Variants in TNFAIP8L1 observed in about 807,000 individuals in gnomAD.
The protein encoded by TNFAIP8L1 is tumor necrosis factor alpha-induced protein 8-like protein 1.
For missense variants in TNFAIP8L1, 225 were observed against 266.1 expected (o/e 0.85, Z 1.08); for synonymous variants, 127 against 125.6 (o/e 1.01, Z -0.08).
Position 4,655,348 on chromosome 19 carries a change from T to G in TNFAIP8L1, c.*2918T>G, listed in dbSNP as rs1204644297. Reference sequence around the variant, plus strand: ...TCCAAGGCAACCTTCTCCACTTATCTTAGGCCGAGAGACAGCTCTTCAAGA... The same window carrying G: ...TCCAAGGCAACCTTCTCCACTTATCGTAGGCCGAGAGACAGCTCTTCAAGA... On this transcript the variant is annotated 3_prime_UTR_variant, in exon 2 of 2. Coordinates refer to ENST00000327473, the MANE Select transcript of TNFAIP8L1 (RefSeq NM_152362.3). 2.0e-5 allele frequency: 3 copies of G among 152,264 alleles called. No individual in the cohort carries two copies. Among genetic ancestry groups the G allele is most frequent in the East Asian group, 3.8e-4 (2 of 5,200 alleles). The allele number at this position is 152,264 out of a possible 1,614,324, so 9.4% of individuals were successfully genotyped here.
chr19:4,642,991 G>A (rs1054894707), intron 1 of TNFAIP8L1, among the ~76,000 whole-genome samples: 5 of 151,888 alleles, frequency 3.3e-5, no homozygotes, highest in African/African-American at 1.2e-4. Context: ...ATAAGAAGTG[G>A]GTTGCGTTAG....
chr19:4,648,484 G>C (rs2088332077), intron 1 of TNFAIP8L1, among the ~76,000 whole-genome samples: 1 of 152,240 alleles, frequency 6.6e-6, no homozygotes. Flanking sequence ...CCAGGCAGCT[G>C]GGCCGCCCCA....
chr19:4,651,813 G>A (rs1357009678), intron 1 of TNFAIP8L1, 54 bp from the exon 2 acceptor site: 10 of 1,526,566 alleles, frequency 6.6e-6, no homozygotes, highest in Non-Finnish European at 7.9e-6. Context: ...CACCTCTTCT[G>A]TGTGAGGAGT....
At chr19:4,643,395 C>G (rs1254010834) in intron 1 of TNFAIP8L1, among the ~76,000 whole-genome samples, 2 of 152,146 alleles carry the variant, frequency 1.3e-5, no homozygotes, top group Non-Finnish European at 2.9e-5. Flanking sequence ...CTGAGGCAAG[C>G]CTGTCCCCTC....
At position 4,643,185 on chromosome 19, in the gene TNFAIP8L1, A is replaced by G. The variant is rs1007565068; in HGVS notation, c.-4+3556A>G. ...TACCAGCTACTCAGGAAGCTGAGGC[A>G]GGAGAATCACCTGAACCCAGGAGGC... On this transcript the variant is annotated intron_variant, in intron 1 of 1. Transcript: ENST00000327473. 5.3e-5 allele frequency among the ~76,000 whole-genome samples: 8 copies of G among 151,844 alleles called. 1 individual carries two copies. Among genetic ancestry groups the G allele is most frequent in the Admixed American group, 4.6e-4 (7 of 15,218 alleles).
rs927539061 is a variant in TNFAIP8L1, at chr19:4,642,104, G to A, written c.-4+2475G>A. On this transcript the variant is annotated intron_variant, in intron 1 of 1. Coordinates refer to ENST00000327473, the MANE Select transcript of TNFAIP8L1 (RefSeq NM_152362.3). Reference sequence around the variant, plus strand: ...GAGGTGGGAGGATCACCTGAGCCCAGGGAGGTTGAGGCTGCAGTGAGCCGA... The same window carrying A: ...GAGGTGGGAGGATCACCTGAGCCCAAGGAGGTTGAGGCTGCAGTGAGCCGA... 2.0e-5 allele frequency: 3 copies of A among 152,390 alleles called. No individual in the cohort carries two copies. In the East Asian group the frequency reaches 5.8e-4, roughly 29 times the overall value. The allele number at this position is 152,390 out of a possible 1,614,324, so 9.4% of individuals were successfully genotyped here.
chr19:4,647,351 A>G (rs2088321354), intron 1 of TNFAIP8L1, among the ~76,000 whole-genome samples: 2 of 151,796 alleles, frequency 1.3e-5, no homozygotes, highest in South Asian at 2.1e-4. Context: ...GTCTCGCTCT[A>G]TCACCCAGGC....
At chr19:4,643,683 A>G (rs1359740603) in intron 1 of TNFAIP8L1, among the ~76,000 whole-genome samples, 1 of 152,204 alleles carries the variant, frequency 6.6e-6, no homozygotes, top group Non-Finnish European at 1.5e-5. Context: ...CATGCCTGTA[A>G]TCCTAGCATT....
In TNFAIP8L1 at chr19:4,641,668, G is replaced by A. The variant is rs1445762804; in HGVS notation, c.-4+2039G>A. On this transcript the variant is annotated intron_variant, in intron 1 of 1. Transcript: ENST00000327473. This position sits in a 1 kb window ranked among gnomAD's most constrained non-coding sequence, Gnocchi z 4.6. ...TGAGATAACTGTGGGGAGGGAGGGTGCTTTGAGGGGTGGGGGAGATTCAAC... is the reference window on the plus strand; with the variant it reads ...TGAGATAACTGTGGGGAGGGAGGGTACTTTGAGGGGTGGGGGAGATTCAAC... 1 of 152,126 alleles carries A rather than the reference G, an allele frequency of 6.6e-6. No homozygotes were observed. 9.4% of individuals were successfully genotyped at this position (152,126 alleles called of 1,614,324 possible). A position where few individuals can be genotyped will look rare whatever the true frequency, so the allele number is the denominator to read the frequency against.
intron 1 of TNFAIP8L1, among the ~76,000 whole-genome samples, chr19:4,646,755 C>T (rs542564303): frequency 2.6e-4 from 39 of 152,132 alleles, no homozygotes; most frequent in African/African-American, 8.4e-4. Context: ...CTCAGCCTCC[C>T]GAGTAGCCAG....
chr19:4,651,530 G>A (rs2088364405), intron 1 of TNFAIP8L1, among the ~76,000 whole-genome samples: 1 of 151,522 alleles, frequency 6.6e-6, no homozygotes, highest in African/African-American at 2.4e-5. Context: ...TCCGCCTCCC[G>A]GGCTCAAGGG....
At position 4,652,182 on chromosome 19, in the gene TNFAIP8L1, C is replaced by T; in HGVS notation, c.313C>T (p.His105Tyr). 1 of 1,549,060 alleles carries T rather than the reference C, an allele frequency of 6.5e-7. No individual in the cohort carries two copies. The highest frequency in any genetic ancestry group is 8.7e-7 in the Non-Finnish European group (1 of 1,148,456). Residue 105 changes from histidine (H) to tyrosine (Y), a missense_variant, in exon 2 of 2, where the codon CAC becomes TAC. Transcript: ENST00000327473. ...CCTGGCCATGACGGCCGTCAGCTTC[C>T]ACCAGGTGGACTTCACCTTCGACCG... is the stretch of plus-strand genomic sequence containing the variant. Reference protein sequence around the residue: ...RCLAMTAVSFHQVDFTFDRRV... With the variant: ...RCLAMTAVSFYQVDFTFDRRV...
rs748629489 is a variant in TNFAIP8L1 at position 4,651,921 on chromosome 19, CTGAG to C, written c.54_57del (p.Ser19ArgfsTer49). The C allele has an allele frequency of 5.0e-6, 8 of 1,613,316 alleles. No homozygotes were observed. Among genetic ancestry groups the C allele is most frequent in the South Asian group, 2.2e-5 (2 of 91,076 alleles). ...GGCTCTGCAGGCGCAGAAGAAGCTCCTGAGTAAGATGGCGTCCAAGGCAGTGGTG... is the reference window on the plus strand; with the variant it reads ...GGCTCTGCAGGCGCAGAAGAAGCTCCTAAGATGGCGTCCAAGGCAGTGGTG... On this transcript the variant is annotated frameshift_variant, in exon 2 of 2. Transcript: ENST00000327473. LOFTEE classifies it low-confidence loss of function (END_TRUNC).
At chr19:4,646,873 G>T (rs901486352) in intron 1 of TNFAIP8L1, among the ~76,000 whole-genome samples, 3 of 152,128 alleles carry the variant, frequency 2.0e-5, no homozygotes, top group Non-Finnish European at 4.4e-5. Context: ...CTTGTGATCC[G>T]CCCGCCTCGG....
At chr19:4,642,649 T>G (rs1393833867) in intron 1 of TNFAIP8L1, among the ~76,000 whole-genome samples, 1 of 149,354 alleles carries the variant, frequency 6.7e-6, no homozygotes, top group Non-Finnish European at 1.5e-5. Context: ...GGGCACAGGT[T>G]GTGTAAAGGC....
At chr19:4,644,278 G>A (rs939353614) in intron 1 of TNFAIP8L1, among the ~76,000 whole-genome samples, 3 of 151,568 alleles carry the variant, frequency 2.0e-5, no homozygotes, top group Non-Finnish European at 4.4e-5. Context: ...GGCAGCTCAC[G>A]CCTGCAATCC....
At position 4,641,040 on chromosome 19, in the gene TNFAIP8L1, G is replaced by GC. The variant is rs2088256388; in HGVS notation, c.-4+1411_-4+1412insC. The GC allele has an allele frequency of 6.6e-6, 1 of 152,184 alleles. No individual in the cohort carries two copies. The highest frequency in any genetic ancestry group is 1.5e-5 in the Non-Finnish European group (1 of 68,134). 9.4% of individuals were successfully genotyped at this position (152,184 alleles called of 1,614,324 possible). A position where few individuals can be genotyped will look rare whatever the true frequency, so the allele number is the denominator to read the frequency against. On this transcript the variant is annotated intron_variant, in intron 1 of 1. Coordinates refer to ENST00000327473, the MANE Select transcript of TNFAIP8L1 (RefSeq NM_152362.3). The surrounding 1 kb of genome is among the most constrained non-coding windows in gnomAD (Gnocchi z 4.6). ...CCCTGCAGGGAATATGGGGCCGGGG[G>GC]GGGGACTTGAACCCTGCTCCAATGG... is the stretch of plus-strand genomic sequence containing the variant.
rs1288344304 is a variant in TNFAIP8L1 at position 4,652,438 on chromosome 19, C to T, written c.*8C>T. The T allele has an allele frequency of 1.3e-6, 2 of 1,507,964 alleles. No individual in the cohort carries two copies. Among genetic ancestry groups the T allele is most frequent in the African/African-American group, 1.4e-5 (1 of 71,622 alleles). 93.4% of individuals were successfully genotyped at this position (1,507,964 alleles called of 1,614,324 possible). Reference sequence around the variant, plus strand: ...GACGAGGGCAGCCTCTGAACCCCGGCGCCGCCCAACCGCGCCCCTCGCGCC... The same window carrying T: ...GACGAGGGCAGCCTCTGAACCCCGGTGCCGCCCAACCGCGCCCCTCGCGCC... On this transcript the variant is annotated 3_prime_UTR_variant, in exon 2 of 2. Coordinates refer to ENST00000327473, the MANE Select transcript of TNFAIP8L1 (RefSeq NM_152362.3).
intron 1 of TNFAIP8L1, among the ~76,000 whole-genome samples, chr19:4,646,852 G>A (rs910347954): frequency 8.5e-5 from 13 of 152,244 alleles, no homozygotes; most frequent in Middle Eastern, 3.4e-3. Context: ...GGATGGTCTC[G>A]ATCTCCTGAC....
Sources: gnomAD v4.1 joint callset for allele counts (sites outside exome capture counted in the v4.1 genomes callset) on GRCh38, gnomAD v4.1.1 for gene constraint, Gnocchi (gnomAD v3.1) non-coding constraint, MANE v1.5 for transcripts, NCBI Gene and HGNC (gene_info 2026-07-23, HGNC 2026-07-21) for gene names.